Variants in USP47 observed in about 807,000 individuals in gnomAD.
USP47 encodes ubiquitin carboxyl-terminal hydrolase 47.
In USP47, 35 loss-of-function variants were observed where a neutral mutation model predicts 165.1. That is an observed-to-expected ratio of 0.21 (90% confidence interval 0.16 to 0.28). The LOEUF is 0.28. Ranked by LOEUF, USP47 falls within the 10% of genes least tolerant of loss-of-function variation. The pLI is 1.00. For missense variants in USP47, 1,277 were observed against 1,607.4 expected (o/e 0.79, Z 3.52); for synonymous variants, 531 against 544.5 (o/e 0.98, Z 0.35).
chr11:11,867,843 C>T (rs1396568487), intron 1 of USP47, among the ~76,000 whole-genome samples: 3 of 151,768 alleles, frequency 2.0e-5, no homozygotes, highest in Non-Finnish European at 4.4e-5. Flanking sequence ...GGGAATATCA[C>T]TATTCTAGAA....
intron 1 of USP47, among the ~76,000 whole-genome samples, chr11:11,873,458 A>G (rs1216978314): frequency 6.6e-6 from 1 of 152,154 alleles, no homozygotes; most frequent in Non-Finnish European, 1.5e-5. Context: ...AGCAAAATCA[A>G]GAGATCTCTT....
At chr11:11,933,217 A>G in intron 15 of USP47, 101 bp downstream of exon 15, 1 of 921,572 alleles carries the variant, frequency 1.1e-6, no homozygotes, top group Admixed American at 2.2e-5. Flanking sequence ...TGAGACAATT[A>G]TGCTATCATG....
chr11:11,908,137 A>C (rs1852703085), intron 8 of USP47, among the ~76,000 whole-genome samples: 1 of 152,136 alleles, frequency 6.6e-6, no homozygotes, highest in Admixed American at 6.6e-5. Flanking sequence ...TAGCACGTGC[A>C]TGTGCACGCA....
At position 11,884,405 on chromosome 11, in the gene USP47, T is replaced by C. The variant is rs2134329262; in HGVS notation, c.244-62T>C. 3 of 1,177,036 alleles carry C rather than the reference T, an allele frequency of 2.5e-6. No homozygotes were observed. In the East Asian group the frequency reaches 7.3e-5, roughly 29 times the overall value. 72.9% of individuals were successfully genotyped at this position (1,177,036 alleles called of 1,614,324 possible). A position where few individuals can be genotyped will look rare whatever the true frequency, so the allele number is the denominator to read the frequency against. ...TACTATTTAAATGTAGATATGTATCTATTTACAGATTACTTATTTTATGTT... is the reference window on the plus strand; with the variant it reads ...TACTATTTAAATGTAGATATGTATCCATTTACAGATTACTTATTTTATGTT... On this transcript the variant is annotated intron_variant, in intron 2 of 27. Coordinates refer to ENST00000527733, the MANE Select transcript of USP47 (RefSeq NM_001282659.2).
At position 11,955,081 on chromosome 11, in the gene USP47, G is replaced by A. The variant is rs7933089; in HGVS notation, c.3810G>A (p.Gln1270=). ...PCDISVLDIH[Q]DLDWNPKVST... ...ATATTTCTGTCCTTGATATTCATCA[G>A]GATTTAGACTGGAATCCTAAAGTTT... is the stretch of plus-strand genomic sequence containing the variant. The change falls in exon 27 of 28, where the codon CAG becomes CAA. Residue 1270 remains glutamine, a synonymous_variant. Coordinates refer to ENST00000527733, the MANE Select transcript of USP47 (RefSeq NM_001282659.2). 0.68 allele frequency: 1,091,044 copies of A among 1,613,206 alleles called. 374,060 individuals are homozygous for A. The highest frequency in any genetic ancestry group is 0.86 in the Middle Eastern group (5,193 of 6,054).
At chr11:11,894,329 G>T (rs1851719863) in intron 4 of USP47, among the ~76,000 whole-genome samples, 1 of 152,046 alleles carries the variant, frequency 6.6e-6, no homozygotes, top group South Asian at 2.1e-4. Flanking sequence ...GGTAGCAGGT[G>T]CCTGTAATCC....
At chr11:11,853,173 A>T (rs1848823542) in intron 1 of USP47, among the ~76,000 whole-genome samples, 1 of 152,146 alleles carries the variant, frequency 6.6e-6, no homozygotes, top group African/African-American at 2.4e-5. Flanking sequence ...CCCAAGTTAG[A>T]AAGAAAAGAT....
chr11:11,884,859 A>G (rs1359582916), intron 3 of USP47, among the ~76,000 whole-genome samples: 1 of 152,144 alleles, frequency 6.6e-6, no homozygotes, highest in Non-Finnish European at 1.5e-5. Context: ...GGGTGGGTCT[A>G]GGATAAGTCA....
At position 11,961,171 on chromosome 11, in the gene USP47, A is replaced by T. The variant is rs1275264002; in HGVS notation, c.*4996A>T. ...CTTTCTGTGGTAGGGCCACATCCTA[A>T]ACCCTGTATCCTGTGATTATTTACC... On this transcript the variant is annotated 3_prime_UTR_variant, in exon 28 of 28. Coordinates refer to ENST00000527733, the MANE Select transcript of USP47 (RefSeq NM_001282659.2). Among the ~76,000 whole-genome samples the T allele has an allele frequency of 6.6e-6, 1 of 152,192 alleles. No homozygotes were observed. The highest frequency in any genetic ancestry group is 1.5e-5 in the Non-Finnish European group (1 of 68,036).
chr11:11,891,643 A>G (rs192548687), intron 3 of USP47, among the ~76,000 whole-genome samples: 17 of 152,336 alleles, frequency 1.1e-4, no homozygotes, highest in Non-Finnish European at 2.2e-4. Context: ...TGTCAGAGAC[A>G]GTAGGAAACT....
chr11:11,944,344 T>C (rs1268217415), intron 20 of USP47, among the ~76,000 whole-genome samples: 1 of 152,000 alleles, frequency 6.6e-6, no homozygotes, highest in Non-Finnish European at 1.5e-5. Flanking sequence ...AATTATGAAA[T>C]AATACAAGTA....
intron 1 of USP47, among the ~76,000 whole-genome samples, chr11:11,858,784 C>T (rs1355962882): frequency 6.6e-6 from 1 of 152,168 alleles, no homozygotes; most frequent in African/African-American, 2.4e-5. Flanking sequence ...CACAGTTTAT[C>T]CATTTACCAG....
At chr11:11,858,809 G>T (rs1362633687) in intron 1 of USP47, among the ~76,000 whole-genome samples, 1 of 152,096 alleles carries the variant, frequency 6.6e-6, no homozygotes, top group East Asian at 1.9e-4. Context: ...TAAACATTTG[G>T]GTTGTTTCCA....
At chr11:11,925,817 C>G (rs1372631286) in intron 11 of USP47, among the ~76,000 whole-genome samples, 2 of 151,798 alleles carry the variant, frequency 1.3e-5, no homozygotes, top group African/African-American at 4.9e-5. Flanking sequence ...TTGCTTTGTT[C>G]CCAATCTTAG....
intron 1 of USP47, among the ~76,000 whole-genome samples, chr11:11,876,953 A>G (rs1800632037): frequency 6.6e-6 from 1 of 152,164 alleles, no homozygotes; most frequent in African/African-American, 2.4e-5. Flanking sequence ...TCTTTAATCC[A>G]CCTCAAGACG....
intron 25 of USP47, among the ~76,000 whole-genome samples, chr11:11,953,403 A>G (rs1233260276): frequency 2.6e-5 from 4 of 152,146 alleles, no homozygotes; most frequent in Admixed American, 6.5e-5. Flanking sequence ...TTAAGTTTAT[A>G]TATAAAAAAA....
rs1338460180 is a variant in USP47 at position 11,961,636 on chromosome 11, G to A, written c.*5461G>A. ...CTGAGCACCATACTCAAAGGCAGGGGAAGTGGATGGAGGGCAGGAGCTCCA... is the reference window on the plus strand; with the variant it reads ...CTGAGCACCATACTCAAAGGCAGGGAAAGTGGATGGAGGGCAGGAGCTCCA... On this transcript the variant is annotated 3_prime_UTR_variant, in exon 28 of 28. Transcript: ENST00000527733. Among the ~76,000 whole-genome samples the A allele has an allele frequency of 6.6e-6, 1 of 152,232 alleles. No homozygotes were observed. Among genetic ancestry groups the A allele is most frequent in the Non-Finnish European group, 1.5e-5 (1 of 68,044 alleles).
intron 4 of USP47, among the ~76,000 whole-genome samples, chr11:11,893,343 AGAACTT>A (rs1216902349): frequency 6.6e-5 from 10 of 152,236 alleles, no homozygotes; most frequent in Non-Finnish European, 1.0e-4. Flanking sequence ...CTTTACTCTT[AGAACTT>A]CAAAACAGGT....
At chr11:11,925,634 G>GTTT (rs34781797) in intron 11 of USP47, among the ~76,000 whole-genome samples, 1 of 146,386 alleles carries the variant, frequency 6.8e-6, no homozygotes. Flanking sequence ...ACTTGTTAGG[G>GTTT]TTTTTTTTTT....
Sources: allele counts gnomAD v4.1 joint callset (sites outside exome capture counted in the v4.1 genomes callset), GRCh38; gene constraint gnomAD v4.1.1; transcripts MANE v1.5; gene names NCBI Gene and HGNC (gene_info 2026-07-23, HGNC 2026-07-21).